THSD4: variants seen among roughly 807,000 people sequenced by gnomAD.
THSD4 encodes thrombospondin type-1 domain-containing protein 4.
Under a neutral mutation model 119.0 loss-of-function variants are expected in THSD4, and 69 were observed. That is an observed-to-expected ratio of 0.58 (90% CI 0.48 to 0.71). THSD4 has a LOEUF of 0.71. Among genes scored for constraint, THSD4 ranks in the 30% least tolerant of loss-of-function variants. THSD4 has a pLI of 0.00. For synonymous variants in THSD4, 524 were observed against 540.4 expected, an observed-to-expected ratio of 0.97 and a Z score of 0.42; for missense variants, 1,393 against 1,391.1, an observed-to-expected ratio of 1.00 and a Z score of -0.02.
intron 16 of THSD4, among the ~76,000 whole-genome samples, chr15:71,765,928 A>C (rs1308817596): frequency 6.6e-6 from 1 of 152,076 alleles, no homozygotes; most frequent in Non-Finnish European, 1.5e-5. Flanking sequence ...ATTATGCCTC[A>C]CCTAGTATAC....
Position 71,134,388 on chromosome 15 carries a change from G to A in THSD4, c.-79-7061G>A, listed in dbSNP as rs945344590. 5.9e-5 allele frequency among the ~76,000 whole-genome samples: 9 copies of A among 152,342 alleles called. No homozygotes were observed. In the South Asian group the frequency reaches 1.4e-3, roughly 25 times the overall value. On this transcript the variant is annotated intron_variant, in intron 1 of 17. Transcript: ENST00000261862. ...AGGGTGGGACCTCCACAGAGGCAGC[G>A]TGCATCTGCAGTGGCTTAGCGCCTT...
intron 3 of THSD4, among the ~76,000 whole-genome samples, chr15:71,174,688 CACAG>C (rs1432090980): frequency 2.1e-5 from 3 of 141,422 alleles, no homozygotes; most frequent in African/African-American, 7.7e-5. Context: ...GGGGGCAGGG[CACAG>C]ACAAACAAAA....
intron 7 of THSD4, among the ~76,000 whole-genome samples, chr15:71,459,152 CT>C (rs1199395516): frequency 1.4e-5 from 2 of 140,858 alleles, no homozygotes; most frequent in African/African-American, 5.2e-5. Flanking sequence ...TTTTCATTTT[CT>C]TTTTTTCTTT....
At chr15:71,440,701 C>G (rs912292697) in intron 7 of THSD4, among the ~76,000 whole-genome samples, 1 of 152,088 alleles carries the variant, frequency 6.6e-6, no homozygotes, top group Non-Finnish European at 1.5e-5. Context: ...AATTACATAT[C>G]TTTCTCAAAA....
intron 3 of THSD4, among the ~76,000 whole-genome samples, chr15:71,163,146 G>T (rs1240712052): frequency 1.3e-5 from 2 of 151,500 alleles, no homozygotes; most frequent in African/African-American, 2.4e-5. Flanking sequence ...TTTCTTTGGG[G>T]TCAGTTAATG....
chr15:71,365,850 A>G (rs902408914), intron 6 of THSD4, among the ~76,000 whole-genome samples: 3 of 152,178 alleles, frequency 2.0e-5, no homozygotes, highest in African/African-American at 7.2e-5. Flanking sequence ...CAAGTCATCA[A>G]GACTCCTAGG....
chr15:71,324,121 T>G (rs1193987939), intron 6 of THSD4, among the ~76,000 whole-genome samples: 1 of 152,124 alleles, frequency 6.6e-6, no homozygotes. Context: ...GCAGGTATAC[T>G]CTGTATCTGT....
Position 71,487,116 on chromosome 15 carries a change from A to C in THSD4, c.1152+75293A>C, listed in dbSNP as rs1263441625. Reference sequence around the variant, plus strand: ...TTGGGTTCTCACACCACTGTAAGACATTCAGCTGTATGCCAGTGCAACATG... The same window carrying C: ...TTGGGTTCTCACACCACTGTAAGACCTTCAGCTGTATGCCAGTGCAACATG... On this transcript the variant is annotated intron_variant, in intron 7 of 17. Transcript: ENST00000261862. Among the ~76,000 whole-genome samples, 4 of 152,234 alleles carry C rather than the reference A, an allele frequency of 2.6e-5. No individual in the cohort carries two copies. The East Asian group carries it at 7.7e-4, about 29-fold the overall frequency.
chr15:71,229,176 C>G (rs1333082847), intron 4 of THSD4, among the ~76,000 whole-genome samples: 1 of 152,216 alleles, frequency 6.6e-6, no homozygotes, highest in African/African-American at 2.4e-5. Context: ...GACTTAGTAG[C>G]TTGGACAGGT....
chr15:71,771,078 C>G lies in THSD4; in HGVS notation c.2784C>G (p.Cys928Trp). The change falls in exon 17 of 18, where the codon TGC becomes TGG. Residue 928 changes from cysteine (C) to tryptophan (W), a missense_variant. By Grantham distance (215) the Cys-to-Trp change is radical. Transcript: ENST00000261862. The part of the protein sequence containing the change: ...STEWSMCSKS[C>W]QGGFRVREVR... ...TTCCCATGCAGTGTTCCAAGAGCTGCCAGGGTGGCTTTCGGGTCCGGGAAG... is the reference window on the plus strand; with the variant it reads ...TTCCCATGCAGTGTTCCAAGAGCTGGCAGGGTGGCTTTCGGGTCCGGGAAG... 1 of 1,614,074 alleles carries G rather than the reference C, an allele frequency of 6.2e-7. No homozygotes were observed. Among genetic ancestry groups the G allele is most frequent in the Non-Finnish European group, 8.5e-7 (1 of 1,179,982 alleles).
At chr15:71,645,246 AG>A (rs2050945369) in intron 7 of THSD4, among the ~76,000 whole-genome samples, 1 of 152,140 alleles carries the variant, frequency 6.6e-6, no homozygotes, top group Non-Finnish European at 1.5e-5. Flanking sequence ...TAAAGGAAAG[AG>A]GCTTAATTGA....
intron 7 of THSD4, among the ~76,000 whole-genome samples, chr15:71,545,756 TA>T (rs2048827737): frequency 6.6e-6 from 1 of 152,150 alleles, no homozygotes; most frequent in African/African-American, 2.4e-5. Flanking sequence ...TAACTGGAGA[TA>T]TTATCCTCAC....
At chr15:71,286,291 C>G (rs889277996) in intron 6 of THSD4, among the ~76,000 whole-genome samples, 3 of 152,122 alleles carry the variant, frequency 2.0e-5, no homozygotes, top group African/African-American at 4.8e-5. Context: ...AGTTATTTTT[C>G]CTGATTCTCT....
intron 6 of THSD4, among the ~76,000 whole-genome samples, chr15:71,384,991 C>G (rs1352341288): frequency 6.6e-6 from 1 of 152,176 alleles, no homozygotes. Context: ...GACACAAAAT[C>G]CCTGCAAATT....
Position 71,215,040 on chromosome 15 carries a change from G to A in THSD4, c.105G>A (p.Pro35=), listed in dbSNP as rs2043919206. ...PQPSTQHRKV[P]QRMAAEGAPE... is the part of the protein sequence containing the mutation. Reference sequence around the variant, plus strand: ...ACCTGCCTCTGTCTCCGCAGGTCCCGCAGCGGATGGCGGCGGAGGGCGCCC... The same window carrying A: ...ACCTGCCTCTGTCTCCGCAGGTCCCACAGCGGATGGCGGCGGAGGGCGCCC... The change falls in exon 4 of 18, where the codon CCG becomes CCA. Residue 35 remains proline, a synonymous_variant. Coordinates refer to ENST00000261862, the MANE Select transcript of THSD4 (RefSeq NM_024817.3). 8 of 1,286,624 alleles carry A rather than the reference G, an allele frequency of 6.2e-6. No individual in the cohort carries two copies. The highest frequency in any genetic ancestry group is 7.9e-6 in the Non-Finnish European group (8 of 1,012,180). 79.7% of individuals were successfully genotyped at this position (1,286,624 alleles called of 1,614,324 possible). A position where few individuals can be genotyped will look rare whatever the true frequency, so the allele number is the denominator to read the frequency against.
At chr15:71,626,437 G>T (rs532670876) in intron 7 of THSD4, among the ~76,000 whole-genome samples, 2 of 152,266 alleles carry the variant, frequency 1.3e-5, no homozygotes, top group Admixed American at 1.3e-4. Context: ...GAGAGTGGTG[G>T]TTTCTGTGGA....
chr15:71,364,663 C>T (rs893887529), intron 6 of THSD4, among the ~76,000 whole-genome samples: 7 of 152,172 alleles, frequency 4.6e-5, no homozygotes, highest in Admixed American at 2.0e-4. Flanking sequence ...TCAACGTTTC[C>T]AGATCTCATA....
At chr15:71,373,123 T>A (rs532852949) in intron 6 of THSD4, among the ~76,000 whole-genome samples, 1 of 152,366 alleles carries the variant, frequency 6.6e-6, no homozygotes, top group South Asian at 2.1e-4. Context: ...TTGGAAACAG[T>A]TTATCTAAAT....
chr15:71,677,429 C>T (rs2051676167), intron 8 of THSD4, among the ~76,000 whole-genome samples: 1 of 152,236 alleles, frequency 6.6e-6, no homozygotes, highest in African/African-American at 2.4e-5. Flanking sequence ...GCCAAAGAGA[C>T]TGTGCCCTCT....
Sources: allele counts gnomAD v4.1 joint callset (sites outside exome capture counted in the v4.1 genomes callset), GRCh38; gene constraint gnomAD v4.1.1; transcripts MANE v1.5; gene names NCBI Gene and HGNC (gene_info 2026-07-23, HGNC 2026-07-21).